Variants in SLC50A1 observed in about 807,000 individuals in gnomAD.
The protein encoded by SLC50A1 is solute carrier family 50 member 1.
In SLC50A1, 22 loss-of-function variants were observed where a neutral mutation model predicts 28.9. The observed-to-expected ratio is 0.76, with a 90% CI of 0.54 to 1.09. The LOEUF (loss-of-function observed/expected upper bound fraction) is 1.09, where lower values mean the gene tolerates loss of function less well. Among genes scored for constraint, SLC50A1 ranks in the 50% least tolerant of loss-of-function variants. The pLI is 0.00. For synonymous variants in SLC50A1, 96 were observed against 110.6 expected, an observed-to-expected ratio of 0.87 and a Z score of 0.83; for missense variants, 233 against 273.4, an observed-to-expected ratio of 0.85 and a Z score of 1.04.
rs377460413 is a variant in SLC50A1, at chr1:155,137,000, C to T, written c.282+49C>T. ...CCTATCTGCTGCACGCCCTGCCTTGCTGGCAGGGCAAACACTATTTCCTAG... is the reference window on the plus strand; with the variant it reads ...CCTATCTGCTGCACGCCCTGCCTTGTTGGCAGGGCAAACACTATTTCCTAG... On this transcript the variant is annotated intron_variant, in intron 3 of 5. Transcript: ENST00000368404. 247 of 1,597,594 alleles carry T rather than the reference C, an allele frequency of 1.5e-4. 1 individual carries two copies. Among genetic ancestry groups the T allele is most frequent in the Non-Finnish European group, 1.9e-4 (225 of 1,167,940 alleles).
At chr1:155,135,602 GGCAGAGTGTGA>G, upstream of SLC50A1, 1 of 1,550,130 alleles carries the variant, frequency 6.5e-7, no homozygotes, top group South Asian at 1.2e-5. Context: ...CCAAGGGGTA[GGCAGAGTGTGA>G]GCAGCGGCAG....
At chr1:155,138,147 C>T in intron 5 of SLC50A1, 33 bp from the exon 6 acceptor site, 2 of 1,614,192 alleles carry the variant, frequency 1.2e-6, no homozygotes, top group Non-Finnish European at 8.5e-7. Context: ...GGAAAACTGG[C>T]TCCTCTCCTC....
At chr1:155,135,490 T>G, upstream of SLC50A1, 1 of 1,203,452 alleles carries the variant, frequency 8.3e-7, no homozygotes, top group Non-Finnish European at 1.1e-6. Context: ...GAAAGCGTGC[T>G]GAAGTCTTGT....
upstream of SLC50A1, chr1:155,135,810 T>C (rs1426294027): frequency 2.6e-6 from 4 of 1,568,398 alleles, no homozygotes; most frequent in Admixed American, 3.8e-5. Context: ...CGGAGCCGAG[T>C]GCGCGGGGCG....
rs760449821 is a variant in SLC50A1 at position 155,137,954 on chromosome 1, G to T, written c.445-25G>T. 1.4e-5 allele frequency: 23 copies of T among 1,614,046 alleles called. No individual in the cohort carries two copies. The East Asian group carries it at 4.7e-4, about 33-fold the overall frequency. ...AAGCTTTACGATGTGCTTGGGCCAA[G>T]AGAGTCTTCCATTCTTTCCCACAGG... is the stretch of plus-strand genomic sequence containing the variant. On this transcript the variant is annotated intron_variant, in intron 4 of 5. Transcript: ENST00000368404.
chr1:155,135,713 G>T, upstream of SLC50A1: 1 of 1,549,890 alleles, frequency 6.5e-7, no homozygotes, highest in Non-Finnish European at 8.7e-7. Context: ...GGCGCTCGGA[G>T]GAGAGGGGCG....
chr1:155,137,775 C>T, intron 4 of SLC50A1, 53 bp downstream of exon 4: 1 of 1,606,076 alleles, frequency 6.2e-7, no homozygotes, highest in Non-Finnish European at 8.5e-7. Flanking sequence ...GCTCTCATAG[C>T]CAAATACTAT....
intron 3 of SLC50A1, 103 bp from the exon 4 acceptor site, chr1:155,137,458 A>G: frequency 2.8e-6 from 4 of 1,440,754 alleles, no homozygotes; most frequent in Non-Finnish European, 3.8e-6. Context: ...AGGCCTAGAC[A>G]GCTTGGCTTC....
rs139227744 is a variant in SLC50A1, at chr1:155,138,224, G to C, written c.609G>C (p.Trp203Cys). The C allele has an allele frequency of 6.5e-4, 1,045 of 1,614,014 alleles. No homozygotes were observed. The highest frequency in any genetic ancestry group is 8.5e-4 in the Non-Finnish European group (1,001 of 1,180,034). The change falls in exon 6 of 6, where the codon TGG (tryptophan) becomes TGC (cysteine). Residue 203 changes from tryptophan (W) to cysteine (C), a missense_variant. By Grantham distance (215) the Trp-to-Cys change is radical. Transcript: ENST00000368404. ...PGIVTSFIRF[W>C]LFWKYPQEQD... Reference sequence around the variant, plus strand: ...TCGTCACCAGCTTTATCCGCTTCTGGCTTTTCTGGAAGTACCCCCAGGAGC... The same window carrying C: ...TCGTCACCAGCTTTATCCGCTTCTGCCTTTTCTGGAAGTACCCCCAGGAGC...
In SLC50A1 at chr1:155,138,391, C is replaced by A; in HGVS notation, c.*110C>A. 1.1e-6 allele frequency: 1 copy of A among 945,430 alleles called. No individual in the cohort carries two copies. The highest frequency in any genetic ancestry group is 1.5e-5 in the South Asian group (1 of 68,486). 58.6% of individuals were successfully genotyped at this position (945,430 alleles called of 1,614,324 possible). A position where few individuals can be genotyped will look rare whatever the true frequency, so the allele number is the denominator to read the frequency against. ...TCCCAGGTGCAGTGGGTTGTGGGAA[C>A]AAGAGATGACTTTGAGGATAAAAGG... On this transcript the variant is annotated 3_prime_UTR_variant, in exon 6 of 6. Coordinates refer to ENST00000368404, the MANE Select transcript of SLC50A1 (RefSeq NM_018845.4).
Position 155,136,287 on chromosome 1 carries a change from G to C in SLC50A1, c.81-12G>C, listed in dbSNP as rs763159991. On this transcript the variant is annotated splice_polypyrimidine_tract_variant and intron_variant, in intron 1 of 5. Transcript: ENST00000368404. The stretch of plus-strand genomic sequence containing the variant: ...TCCCACCCCCACCCCTCCCTTCGGG[G>C]CCCCATTACAGCTCGGACCTCAGGC... 9 of 1,593,220 alleles carry C rather than the reference G, an allele frequency of 5.6e-6. No homozygotes were observed. In the African/African-American group the frequency reaches 1.2e-4, roughly 21 times the overall value.
At chr1:155,137,470 C>A in intron 3 of SLC50A1, 91 bp from the exon 4 acceptor site, 2 of 1,526,662 alleles carry the variant, frequency 1.3e-6, no homozygotes, top group South Asian at 1.2e-5. Flanking sequence ...CTTGGCTTCC[C>A]CATTGGAGCA....
At chr1:155,135,851 T>A, upstream of SLC50A1, 2 of 1,608,480 alleles carry the variant, frequency 1.2e-6, no homozygotes, top group South Asian at 1.1e-5. Flanking sequence ...TGGGCTGCAG[T>A]AGGTCCCGGC....
chr1:155,137,470 C>G, intron 3 of SLC50A1, 91 bp from the exon 4 acceptor site: 1 of 1,526,662 alleles, frequency 6.6e-7, no homozygotes, highest in Admixed American at 1.7e-5. Flanking sequence ...CTTGGCTTCC[C>G]CATTGGAGCA....
upstream of SLC50A1, chr1:155,135,691 G>T: frequency 6.5e-7 from 1 of 1,550,290 alleles, no homozygotes. Flanking sequence ...GTCTGGACCA[G>T]GGTACTGGGA....
chr1:155,135,686 G>A (rs1361438966), upstream of SLC50A1: 2 of 1,550,222 alleles, frequency 1.3e-6, no homozygotes, highest in Non-Finnish European at 1.7e-6. Flanking sequence ...AAGAGGTCTG[G>A]ACCAGGGTAC....
intron 1 of SLC50A1, 61 bp from the exon 2 acceptor site, chr1:155,136,238 C>T (rs1031519257): frequency 8.3e-7 from 1 of 1,199,586 alleles, no homozygotes; most frequent in Non-Finnish European, 1.2e-6. Context: ...TTGGGCATCC[C>T]CCTCTAGCAC....
chr1:155,137,443 G>A (rs1299700982), intron 3 of SLC50A1, 118 bp from the exon 4 acceptor site: 1 of 1,241,990 alleles, frequency 8.1e-7, no homozygotes, highest in Non-Finnish European at 1.1e-6. Flanking sequence ...ACAGTGCAGT[G>A]CTGGAGGCCT....
intron 3 of SLC50A1, chr1:155,137,212 A>T: frequency 1.8e-6 from 1 of 560,546 alleles, no homozygotes; most frequent in Non-Finnish European, 3.2e-6. Flanking sequence ...AGCTAAGGGG[A>T]AAGGGCTTTT....
Sources: gnomAD v4.1 joint callset for allele counts on GRCh38, gnomAD v4.1.1 for gene constraint, MANE v1.5 for transcripts, NCBI Gene and HGNC (gene_info 2026-07-23, HGNC 2026-07-21) for gene names.